The following CYBB variants were observed in gnomAD, a reference collection of about 807,000 sequenced individuals.
CYBB encodes the protein NADPH oxidase 2.
CYBB carries 5 observed loss-of-function variants against 46.5 expected under a neutral mutation model. The observed-to-expected ratio is 0.11, with a 90% CI of 0.06 to 0.23. The LOEUF is 0.23. Among genes scored for constraint, CYBB ranks in the 10% least tolerant of loss-of-function variants. CYBB has a pLI of 1.00. For missense variants in CYBB, 307 were observed against 428.3 expected, an observed-to-expected ratio of 0.72 and a Z score of 2.50; for synonymous variants, 183 against 156.7, an observed-to-expected ratio of 1.17 and a Z score of -1.26.
In CYBB at chrX:37,809,713, T is replaced by A. The variant is rs1556472732; in HGVS notation, c.1586+22T>A. On this transcript the variant is annotated intron_variant, in intron 12 of 12. Coordinates refer to ENST00000378588, the MANE Select transcript of CYBB (RefSeq NM_000397.4). ...CTAAGTAAGGAGTCTGTCACCAAGA[T>A]GTTTTTGAGGCTTGCATCTGCCTAA... The A allele has an allele frequency of 4.1e-6, 5 of 1,205,416 alleles. No homozygotes were observed. The East Asian group carries it at 8.9e-5, about 21-fold the overall frequency.
rs1929206898 is a variant in CYBB at position 37,791,959 on chromosome X, C to T, written c.253-16C>T. On this transcript the variant is annotated splice_polypyrimidine_tract_variant and intron_variant, in intron 3 of 12. Transcript: ENST00000378588. Reference sequence around the variant, plus strand: ...GTTAACAATTACTATTCCATTCTTTCCCCCTTAATCCAAAGTGCTGCTCAA... The same window carrying T: ...GTTAACAATTACTATTCCATTCTTTTCCCCTTAATCCAAAGTGCTGCTCAA... 1 of 1,160,088 alleles carries T rather than the reference C, an allele frequency of 8.6e-7. No individual in the cohort carries two copies. The highest frequency in any genetic ancestry group is 1.8e-5 in the African/African-American group (1 of 56,170).
chrX:37,782,680 A>G (rs1297255833), intron 2 of CYBB, among the ~76,000 whole-genome samples: 3 of 112,018 alleles, frequency 2.7e-5, no homozygotes, highest in Non-Finnish European at 5.6e-5. Flanking sequence ...TGACTAGGAC[A>G]GTAGAGTGAA....
In CYBB at chrX:37,804,003, C is replaced by T. The variant is rs924289969; in HGVS notation, c.1024C>T (p.Leu342=). 3 of 1,211,369 alleles carry T rather than the reference C, an allele frequency of 2.5e-6. No individual in the cohort carries two copies. Among genetic ancestry groups the T allele is most frequent in the Non-Finnish European group, 2.2e-6 (2 of 895,254 alleles). ...CAAGCTGGAGTGGCACCCTTTTACA[C>T]TGACATCCGCCCCTGAGGAAGACTT... ...VSKLEWHPFT[L]TSAPEEDFFS... is the part of the protein sequence containing the mutation. The change falls in exon 9 of 13, where the codon CTG becomes TTG. Residue 342 remains leucine, a synonymous_variant. Transcript: ENST00000378588.
intron 5 of CYBB, among the ~76,000 whole-genome samples, chrX:37,794,527 C>G (rs1229640747): frequency 1.2e-4 from 13 of 111,326 alleles, no homozygotes; most frequent in Admixed American, 2.9e-4. Context: ...ACATCCTGGC[C>G]TAAGTATTAG....
intron 3 of CYBB, among the ~76,000 whole-genome samples, chrX:37,785,817 A>C (rs1556465405): frequency 8.9e-6 from 1 of 111,993 alleles, no homozygotes; most frequent in East Asian, 2.8e-4. Flanking sequence ...TGTTTTCACC[A>C]AGATGGCCTG....
Position 37,782,081 on chromosome X carries a change from T to C in CYBB, c.46-7T>C, listed in dbSNP as rs182039020. 139 of 1,195,562 alleles carry C rather than the reference T, an allele frequency of 1.2e-4. No individual in the cohort carries two copies. The African/African-American group carries it at 2.2e-3, about 19-fold the overall frequency. ...GAAACTTCATGCAATTATTTCTGTT[T>C]GTGCAGCTGGTTTGGCTGGGGTTGA... On this transcript the variant is annotated splice_polypyrimidine_tract_variant and splice_region_variant and intron_variant, in intron 1 of 12. Transcript: ENST00000378588.
At position 37,810,881 on chromosome X, in the gene CYBB, G is replaced by A. The variant is rs1000449858; in HGVS notation, c.1677G>A (p.Arg559=). 8.3e-7 allele frequency: 1 copy of A among 1,208,432 alleles called. No homozygotes were observed. The highest frequency in any genetic ancestry group is 1.1e-6 in the Non-Finnish European group (1 of 892,720). The change falls in exon 13 of 13, where the codon CGG becomes CGA. Residue 559 remains arginine, a synonymous_variant. Transcript: ENST00000378588. The part of the protein sequence containing the change: ...QSISNSESGP[R]GVHFIFNKEN... ...TCTCCAACTCTGAGTCTGGCCCTCG[G>A]GGAGTGCATTTCATTTTCAACAAGG...
At chrX:37,782,020 A>T (rs1556464527) in intron 1 of CYBB, 68 bp from the exon 2 acceptor site, 2 of 905,857 alleles carry the variant, frequency 2.2e-6, no homozygotes, top group Non-Finnish European at 3.2e-6. Flanking sequence ...CCCTTATCTG[A>T]CTCCAGTCTT....
rs111759136 is a variant in CYBB, at chrX:37,783,479, G to A, written c.142-11G>A. 2.0e-5 allele frequency: 23 copies of A among 1,157,172 alleles called. No homozygotes were observed. Among genetic ancestry groups the A allele is most frequent in the African/African-American group, 1.2e-4 (7 of 56,093 alleles). Reference sequence around the variant, plus strand: ...AAAAAGTCACTCTGCTCCCTTTCCCGCCTCTTCTAGTCAGCACTGGCACTG... The same window carrying A: ...AAAAAGTCACTCTGCTCCCTTTCCCACCTCTTCTAGTCAGCACTGGCACTG... On this transcript the variant is annotated splice_polypyrimidine_tract_variant and intron_variant, in intron 2 of 12. Coordinates refer to ENST00000378588, the MANE Select transcript of CYBB (RefSeq NM_000397.4).
At chrX:37,795,633 C>T (rs1274111723) in intron 5 of CYBB, among the ~76,000 whole-genome samples, 1 of 111,926 alleles carries the variant, frequency 8.9e-6, no homozygotes, top group Non-Finnish European at 1.9e-5. Flanking sequence ...ACTTTTAGGA[C>T]ATCCTGTAGT....
chrX:37,803,681 T>C (rs907335431), intron 8 of CYBB, among the ~76,000 whole-genome samples, 196 bp from the exon 9 acceptor site: 1 of 111,258 alleles, frequency 9.0e-6, no homozygotes, highest in Admixed American at 9.6e-5. Context: ...TATCCCTTAA[T>C]CAGCCCATCA....
At chrX:37,800,646 AC>A (rs1413933541) in intron 7 of CYBB, among the ~76,000 whole-genome samples, 1 of 111,617 alleles carries the variant, frequency 9.0e-6, no homozygotes, top group Admixed American at 9.6e-5. Context: ...CAATAATGCT[AC>A]AGAGTAATTC....
intron 12 of CYBB, 125 bp from the exon 13 acceptor site, chrX:37,810,666 G>C: frequency 3.0e-6 from 2 of 673,554 alleles, no homozygotes; most frequent in East Asian, 7.0e-5. Context: ...TGCTATTTGT[G>C]GAAAAGAAAA....
chrX:37,802,028 T>C (rs1929456424), intron 8 of CYBB, among the ~76,000 whole-genome samples: 1 of 111,962 alleles, frequency 8.9e-6, no homozygotes, highest in South Asian at 3.6e-4. Context: ...CTTGTTATAA[T>C]TTCAGGAAAC....
At chrX:37,780,839 G>A (rs1928937456) in intron 1 of CYBB, among the ~76,000 whole-genome samples, 1 of 111,147 alleles carries the variant, frequency 9.0e-6, no homozygotes. Flanking sequence ...AAAATCAACT[G>A]TTCTCTTAAA....
Position 37,806,425 on chromosome X carries a change from T to C in CYBB, c.1353T>C (p.Phe451=). Residue 451 remains phenylalanine, a synonymous_variant, in exon 11 of 13, where the codon TTT becomes TTC. Coordinates refer to ENST00000378588, the MANE Select transcript of CYBB (RefSeq NM_000397.4). ...GGCTGTGCCGGGACACACATGCCTTTGAGTGGTTTGCAGATCTGCTGCAAC... is the reference window on the plus strand; with the variant it reads ...GGCTGTGCCGGGACACACATGCCTTCGAGTGGTTTGCAGATCTGCTGCAAC... ...FYWLCRDTHA[F]EWFADLLQLL... 8.3e-7 allele frequency: 1 copy of C among 1,210,621 alleles called. No individual in the cohort carries two copies. The highest frequency in any genetic ancestry group is 1.1e-6 in the Non-Finnish European group (1 of 894,694).
chrX:37,793,143 A>T (rs1355259387), intron 4 of CYBB, among the ~76,000 whole-genome samples: 1 of 106,112 alleles, frequency 9.4e-6, no homozygotes, highest in African/African-American at 3.4e-5. Context: ...AAAGAATGCA[A>T]TTTTTAAGAC....
chrX:37,802,311 A>C (rs908726412), intron 8 of CYBB, among the ~76,000 whole-genome samples: 1 of 111,817 alleles, frequency 8.9e-6, no homozygotes, highest in Non-Finnish European at 1.9e-5. Context: ...CAGCAAAAAC[A>C]GTTGCTGCAA....
intron 4 of CYBB, among the ~76,000 whole-genome samples, 197 bp from the exon 5 acceptor site, chrX:37,793,468 A>T (rs782019291): frequency 9.1e-6 from 1 of 110,423 alleles, no homozygotes; most frequent in African/African-American, 3.3e-5. Context: ...CAATTACACA[A>T]CTAGAGAGGA....
Sources: allele counts gnomAD v4.1 joint callset (sites outside exome capture counted in the v4.1 genomes callset), GRCh38; gene constraint gnomAD v4.1.1; transcripts MANE v1.5; gene names NCBI Gene and HGNC (gene_info 2026-07-23, HGNC 2026-07-21).